Variants in ZZZ3 observed in about 807,000 individuals in gnomAD.
ZZZ3 encodes zinc finger ZZ-type containing 3.
ZZZ3 carries 22 observed loss-of-function variants against 95.2 expected under a neutral mutation model. That is an observed-to-expected ratio of 0.23 (90% CI 0.17 to 0.33). The LOEUF is 0.33. Ranked by LOEUF, ZZZ3 falls within the 10% of genes least tolerant of loss-of-function variation. The pLI, the probability that ZZZ3 is intolerant of heterozygous loss-of-function variation, is 1.00. For synonymous variants in ZZZ3, 335 were observed against 358.9 expected (o/e 0.93, Z 0.75); for missense variants, 885 against 1,066.5 (o/e 0.83, Z 2.37).
intron 1 of ZZZ3, among the ~76,000 whole-genome samples, chr1:77,681,906 A>C (rs995336475): frequency 6.6e-6 from 1 of 151,982 alleles, no homozygotes; most frequent in African/African-American, 2.4e-5. Context: ...TCTCAAAAAA[A>C]AAAAAAAAAA....
intron 1 of ZZZ3, among the ~76,000 whole-genome samples, chr1:77,675,841 G>C (rs1672216140): frequency 6.6e-6 from 1 of 152,066 alleles, no homozygotes; most frequent in Non-Finnish European, 1.5e-5. Flanking sequence ...ATAGTAAACA[G>C]TAAGCACTCT....
At chr1:77,605,128 G>C (rs1266926840) in intron 5 of ZZZ3, among the ~76,000 whole-genome samples, 1 of 152,176 alleles carries the variant, frequency 6.6e-6, no homozygotes, top group Non-Finnish European at 1.5e-5. Flanking sequence ...TGCTGAAAGA[G>C]GCACTGAAGA....
chr1:77,662,282 G>A (rs1670866501), intron 1 of ZZZ3, among the ~76,000 whole-genome samples: 1 of 151,872 alleles, frequency 6.6e-6, no homozygotes, highest in Admixed American at 6.6e-5. Context: ...AAAGTGCTGG[G>A]ACTACAGGCA....
intron 5 of ZZZ3, 142 bp from the exon 6 acceptor site, chr1:77,584,797 G>C (rs1662926177): frequency 7.9e-6 from 4 of 506,760 alleles, no homozygotes; most frequent in Non-Finnish European, 1.3e-5. Context: ...ATATTACTGG[G>C]AATAAATGAG....
At position 77,632,853 on chromosome 1, in the gene ZZZ3, T is replaced by A. The variant is rs754871346; in HGVS notation, c.502A>T (p.Ile168Leu). ...TCCCTTTTCTCACAATCATCCAGTA[T>A]AAGACATCGACAAGCTCGTTTAGTC... is the stretch of plus-strand genomic sequence containing the variant. ...QGTKRACRCL[I>L]LDDCEKREIK... Residue 168 changes from isoleucine to leucine, a missense_variant, in exon 5 of 15, where the codon ATA becomes TTA. By Grantham distance (5) the Ile-to-Leu change is conservative (BLOSUM62 2). Coordinates refer to ENST00000370801, the MANE Select transcript of ZZZ3 (RefSeq NM_015534.6). 8 of 1,614,084 alleles carry A rather than the reference T, an allele frequency of 5.0e-6. No homozygotes were observed. Among genetic ancestry groups the A allele is most frequent in the Admixed American group, 3.3e-5 (2 of 60,000 alleles).
intron 5 of ZZZ3, among the ~76,000 whole-genome samples, chr1:77,604,864 C>A (rs544564011): frequency 1.3e-5 from 2 of 152,092 alleles, no homozygotes; most frequent in Non-Finnish European, 2.9e-5. Flanking sequence ...CTCCATTATC[C>A]ATTTATACAC....
intron 1 of ZZZ3, among the ~76,000 whole-genome samples, chr1:77,659,992 C>A (rs1383370807): frequency 6.6e-6 from 1 of 151,914 alleles, no homozygotes; most frequent in East Asian, 1.9e-4. Context: ...GCCACCACAC[C>A]CAGCTATTTT....
intron 5 of ZZZ3, among the ~76,000 whole-genome samples, chr1:77,597,309 GTAAA>G (rs1441553874): frequency 2.6e-5 from 4 of 152,006 alleles, no homozygotes; most frequent in Non-Finnish European, 4.4e-5. Flanking sequence ...AAATAAATGA[GTAAA>G]TAAATACATG....
chr1:77,601,499 A>G (rs1158232891), intron 5 of ZZZ3, among the ~76,000 whole-genome samples: 1 of 152,218 alleles, frequency 6.6e-6, no homozygotes, highest in Admixed American at 6.5e-5. Flanking sequence ...GATTTTTTAA[A>G]TAAGAAAAAA....
chr1:77,641,371 A>C lies in ZZZ3; in HGVS notation c.-206+13T>G, dbSNP rs967334980. 2.6e-6 allele frequency: 1 copy of C among 391,410 alleles called. No homozygotes were observed. Among genetic ancestry groups the C allele is most frequent in the African/African-American group, 2.1e-5 (1 of 48,486 alleles). The allele number at this position is 391,410 out of a possible 1,614,324, so 24.2% of individuals were successfully genotyped here. Reference sequence around the variant, plus strand: ...ACATCTGCAACTGTTATTTTCACAGAACTGATACTTACAGCTGAGCTCTAT... The same window carrying C: ...ACATCTGCAACTGTTATTTTCACAGCACTGATACTTACAGCTGAGCTCTAT... On this transcript the variant is annotated intron_variant, in intron 3 of 14. Coordinates refer to ENST00000370801, the MANE Select transcript of ZZZ3 (RefSeq NM_015534.6).
intron 12 of ZZZ3, among the ~76,000 whole-genome samples, chr1:77,571,033 C>T (rs935586408): frequency 4.6e-5 from 7 of 151,944 alleles, no homozygotes; most frequent in African/African-American, 1.7e-4. Flanking sequence ...CATACTATGT[C>T]ACCACTGAGA....
At chr1:77,670,657 G>A (rs548821329) in intron 1 of ZZZ3, among the ~76,000 whole-genome samples, 147 of 151,942 alleles carry the variant, frequency 9.7e-4, no homozygotes, top group Non-Finnish European at 1.6e-3. Context: ...CAAAGAGTTT[G>A]GATGGATAAC....
At chr1:77,594,771 A>G (rs7546365) in intron 5 of ZZZ3, among the ~76,000 whole-genome samples, 87,730 of 151,514 alleles carry the variant, frequency 0.58, 27,638 homozygotes, top group Non-Finnish European at 0.71. Context: ...AATACTATAG[A>G]TTAAAAAAAT....
chr1:77,603,954 T>C (rs1484151155), intron 5 of ZZZ3, among the ~76,000 whole-genome samples: 1 of 152,026 alleles, frequency 6.6e-6, no homozygotes, highest in East Asian at 1.9e-4. Flanking sequence ...ACTTGATGCT[T>C]GGATTTTGAG....
intron 4 of ZZZ3, among the ~76,000 whole-genome samples, chr1:77,635,674 G>T (rs564881943): frequency 6.6e-6 from 1 of 152,310 alleles, no homozygotes; most frequent in African/African-American, 2.4e-5. Context: ...GGGAGGCCAA[G>T]GCAGACGGAT....
chr1:77,671,014 G>T (rs577729163), intron 1 of ZZZ3, among the ~76,000 whole-genome samples: 1 of 150,214 alleles, frequency 6.7e-6, no homozygotes, highest in Non-Finnish European at 1.5e-5. Context: ...TTTTGGGGGG[G>T]TGGTGGGGGT....
intron 5 of ZZZ3, among the ~76,000 whole-genome samples, chr1:77,613,956 T>C (rs560117249): frequency 2.0e-5 from 3 of 152,292 alleles, no homozygotes; most frequent in East Asian, 3.9e-4. Flanking sequence ...TCTGCAGTGC[T>C]ACCTCTGATG....
intron 5 of ZZZ3, among the ~76,000 whole-genome samples, chr1:77,591,960 A>C (rs1663744015): frequency 6.6e-6 from 1 of 152,156 alleles, no homozygotes; most frequent in Non-Finnish European, 1.5e-5. Context: ...GCTTGAGCTC[A>C]ATTTTCTAGA....
At chr1:77,575,555 A>G (rs1661845003) in intron 12 of ZZZ3, among the ~76,000 whole-genome samples, 2 of 152,254 alleles carry the variant, frequency 1.3e-5, no homozygotes, top group South Asian at 4.1e-4. Context: ...GATGTAATCA[A>G]TAAAATCCAT....
Sources: gnomAD v4.1 joint callset for allele counts (sites outside exome capture counted in the v4.1 genomes callset) on GRCh38, gnomAD v4.1.1 for gene constraint, MANE v1.5 for transcripts, NCBI Gene and HGNC (gene_info 2026-07-23, HGNC 2026-07-21) for gene names.